Variants in ATRX observed in about 807,000 individuals in gnomAD.
ATRX encodes chromatin remodeler ATRX.
ATRX carries 12 observed loss-of-function variants against 172.6 expected under a neutral mutation model. That is an observed-to-expected ratio of 0.07 (90% confidence interval 0.04 to 0.11). ATRX has a LOEUF of 0.11. ATRX is among the 10% of genes least tolerant of loss of function. ATRX has a pLI of 1.00. For synonymous variants in ATRX, 674 were observed against 594.7 expected, an observed-to-expected ratio of 1.13 and a Z score of -1.94; for missense variants, 1,368 against 1,767.4, an observed-to-expected ratio of 0.77 and a Z score of 4.05.
At chrX:77,590,474 C>T (rs938827819) in intron 26 of ATRX, among the ~76,000 whole-genome samples, 9 of 108,509 alleles carry the variant, frequency 8.3e-5, no homozygotes, top group Non-Finnish European at 1.5e-4. Flanking sequence ...AAGCTGGGCA[C>T]TGTGGTGGGC....
At chrX:77,575,238 C>T (rs1318709501) in intron 27 of ATRX, among the ~76,000 whole-genome samples, 3 of 109,865 alleles carry the variant, frequency 2.7e-5, no homozygotes, top group Non-Finnish European at 3.8e-5. Context: ...AAATTTAGTA[C>T]ATTAGTTAAA....
chrX:77,773,700 C>T (rs1440388968), intron 1 of ATRX, among the ~76,000 whole-genome samples: 3 of 108,972 alleles, frequency 2.8e-5, no homozygotes, highest in Non-Finnish European at 3.8e-5. Flanking sequence ...TGCAGTGAGC[C>T]GAGATCGCAC....
intron 30 of ATRX, among the ~76,000 whole-genome samples, chrX:77,540,250 G>A (rs1180357185): frequency 2.7e-5 from 3 of 111,358 alleles, no homozygotes; most frequent in Admixed American, 9.6e-5. Flanking sequence ...AAGGATCAAT[G>A]CACCAAAAAG....
At chrX:77,669,562 G>A (rs1362445103) in intron 10 of ATRX, among the ~76,000 whole-genome samples, 3 of 111,661 alleles carry the variant, frequency 2.7e-5, no homozygotes, top group Non-Finnish European at 5.6e-5. Flanking sequence ...GACCTCAGGT[G>A]ATCCATCCAC....
At chrX:77,526,697 T>C (rs1477073590) in intron 30 of ATRX, among the ~76,000 whole-genome samples, 1 of 112,608 alleles carries the variant, frequency 8.9e-6, no homozygotes, top group Middle Eastern at 4.2e-3. Context: ...CAAGACAAAC[T>C]TGTGAAAGGC....
chrX:77,591,876 G>A (rs1270093383), intron 26 of ATRX, among the ~76,000 whole-genome samples: 1 of 111,798 alleles, frequency 8.9e-6, no homozygotes, highest in Non-Finnish European at 1.9e-5. Context: ...TACTATACTG[G>A]AAAGAGGTTG....
At chrX:77,674,557 G>T (rs1488755666) in intron 10 of ATRX, 3 of 110,875 alleles carry the variant, frequency 2.7e-5, no homozygotes, top group African/African-American at 9.8e-5. Flanking sequence ...AGTTGAAAAT[G>T]ATATTTATAT....
chrX:77,626,138 C>T (rs1427273872), intron 19 of ATRX, among the ~76,000 whole-genome samples: 1 of 91,850 alleles, frequency 1.1e-5, no homozygotes. Flanking sequence ...TTTGCAATTA[C>T]CTGGATGAGA....
intron 9 of ATRX, among the ~76,000 whole-genome samples, chrX:77,677,464 A>G (rs1442919391): frequency 9.0e-6 from 1 of 111,696 alleles, no homozygotes. Context: ...CTGGTTTGAT[A>G]TATCGGTTGT....
At position 77,656,177 on chromosome X, in the gene ATRX, T is replaced by TA. The variant is rs1350456050; in HGVS notation, c.4214+382dup. On this transcript the variant is annotated intron_variant, in intron 13 of 34. Transcript: ENST00000373344. Reference sequence around the variant, plus strand: ...CCACAATAGTCAGTCAAGTATATTGTAATCCCCCACTTTACAGATGAGGAA... The same window carrying TA: ...CCACAATAGTCAGTCAAGTATATTGTAAATCCCCCACTTTACAGATGAGGAA... 4.5e-5 allele frequency among the ~76,000 whole-genome samples: 5 copies of TA among 111,682 alleles called. No homozygotes were observed. The Admixed American group carries it at 4.8e-4, about 11-fold the overall frequency.
chrX:77,551,818 C>A (rs1023863330), intron 30 of ATRX, among the ~76,000 whole-genome samples: 4 of 112,084 alleles, frequency 3.6e-5, no homozygotes, highest in Non-Finnish European at 7.5e-5. Flanking sequence ...AGGGTATGAA[C>A]AGACACTTCT....
At chrX:77,628,651 G>A (rs1192681629) in intron 19 of ATRX, among the ~76,000 whole-genome samples, 4 of 111,980 alleles carry the variant, frequency 3.6e-5, no homozygotes, top group Non-Finnish European at 5.6e-5. Context: ...CTCACACTCT[G>A]TGATGATTAT....
At chrX:77,637,627 A>T (rs2068447190) in intron 15 of ATRX, among the ~76,000 whole-genome samples, 1 of 110,652 alleles carries the variant, frequency 9.0e-6, no homozygotes, top group Non-Finnish European at 1.9e-5. Context: ...AAAAATAGAA[A>T]CTCGTGATTT....
At chrX:77,706,769 G>A (rs1464080444) in intron 2 of ATRX, among the ~76,000 whole-genome samples, 1 of 110,177 alleles carries the variant, frequency 9.1e-6, no homozygotes, top group African/African-American at 3.3e-5. Context: ...AGCCAGACAT[G>A]GTGGCACACA....
chrX:77,518,723 T>C (rs781846777), intron 34 of ATRX, among the ~76,000 whole-genome samples: 1 of 111,516 alleles, frequency 9.0e-6, no homozygotes, highest in East Asian at 2.8e-4. Flanking sequence ...AGAACAAAAC[T>C]GGAGGAATCA....
At chrX:77,577,460 T>C (rs1203095194) in intron 27 of ATRX, among the ~76,000 whole-genome samples, 1 of 111,567 alleles carries the variant, frequency 9.0e-6, no homozygotes, top group Non-Finnish European at 1.9e-5. Flanking sequence ...TTAAATCATA[T>C]TATTTTTGTT....
chrX:77,761,606 T>C (rs782657981), intron 1 of ATRX, among the ~76,000 whole-genome samples: 78 of 111,736 alleles, frequency 7.0e-4, no homozygotes, highest in Non-Finnish European at 1.1e-3. Flanking sequence ...ATGATTACTA[T>C]GGTCAAGCAA....
At chrX:77,553,447 G>C (rs145816592) in intron 30 of ATRX, among the ~76,000 whole-genome samples, 9,771 of 111,170 alleles carry the variant, frequency 0.088, 471 homozygotes, top group Middle Eastern at 0.14. Context: ...TGTGACGGTA[G>C]TCTCTTGCTT....
intron 10 of ATRX, chrX:77,675,047 T>C (rs782741077): frequency 1.8e-5 from 2 of 112,261 alleles, no homozygotes; most frequent in South Asian, 7.2e-4. Context: ...AATGCTGACC[T>C]TTGAAACAGA....
Sources: allele counts gnomAD v4.1 joint callset (sites outside exome capture counted in the v4.1 genomes callset), GRCh38; gene constraint gnomAD v4.1.1; transcripts MANE v1.5; gene names NCBI Gene and HGNC (gene_info 2026-07-23, HGNC 2026-07-21).